PGAP4: variants seen among roughly 807,000 people sequenced by gnomAD.
PGAP4 encodes GPI-N-acetylgalactosamine transferase PGAP4.
PGAP4 carries 12 observed loss-of-function variants against 28.2 expected under a neutral mutation model. The observed-to-expected ratio is 0.42, with a 90% CI of 0.27 to 0.69. The LOEUF (loss-of-function observed/expected upper bound fraction) is 0.69, where lower values mean the gene tolerates loss of function less well. Ranked by LOEUF, PGAP4 falls within the 30% of genes least tolerant of loss-of-function variation. The probability of loss-of-function intolerance (pLI) is 0.22; values close to 1 mark genes in which losing one functional copy is unlikely to be tolerated. For synonymous variants in PGAP4, 205 were observed against 211.8 expected, an observed-to-expected ratio of 0.97 and a Z score of 0.28; for missense variants, 425 against 513.5, an observed-to-expected ratio of 0.83 and a Z score of 1.67.
chr9:101,502,200 C>G (rs533365567), intron 2 of PGAP4, among the ~76,000 whole-genome samples: 2 of 152,036 alleles, frequency 1.3e-5, no homozygotes, highest in Non-Finnish European at 2.9e-5. Flanking sequence ...CCTAAATACT[C>G]TGTTGACACT....
rs1271082041 is a variant in PGAP4, at chr9:101,486,596, C to T, written c.-78+353G>A. On this transcript the variant is annotated intron_variant, in intron 1 of 1. Coordinates refer to ENST00000374848, the MANE Select transcript of PGAP4 (RefSeq NM_032342.3). This position sits in a 1 kb window ranked among gnomAD's most constrained non-coding sequence, Gnocchi z 4.7. ...GACTGGCACGCGCCCCGCTCGCGTCCTTCTATTGACCTGTCAGCGCAGCTG... is the reference window on the plus strand; with the variant it reads ...GACTGGCACGCGCCCCGCTCGCGTCTTTCTATTGACCTGTCAGCGCAGCTG... Among the ~76,000 whole-genome samples the T allele has an allele frequency of 6.6e-6, 1 of 152,192 alleles. No homozygotes were observed. The highest frequency in any genetic ancestry group is 2.4e-5 in the African/African-American group (1 of 41,462).
intron 1 of PGAP4, among the ~76,000 whole-genome samples, chr9:101,483,201 C>T (rs1265371254): frequency 6.6e-6 from 1 of 152,162 alleles, no homozygotes; most frequent in African/African-American, 2.4e-5. Flanking sequence ...ATGCTCAATG[C>T]TTGTTAAGCA....
At chr9:101,518,153 C>A (rs745473467) in intron 2 of PGAP4, among the ~76,000 whole-genome samples, 5 of 152,096 alleles carry the variant, frequency 3.3e-5, no homozygotes, top group Non-Finnish European at 5.9e-5. Context: ...TCTGTTCCTG[C>A]GTTAATTTGC....
chr9:101,485,662 C>A (rs1440379852), intron 1 of PGAP4, among the ~76,000 whole-genome samples: 1 of 152,002 alleles, frequency 6.6e-6, no homozygotes. Context: ...GACAAGATAC[C>A]ATTTTTTGGT....
At chr9:101,484,617 C>G (rs1162709487) in intron 1 of PGAP4, among the ~76,000 whole-genome samples, 1 of 152,144 alleles carries the variant, frequency 6.6e-6, no homozygotes, top group Non-Finnish European at 1.5e-5. Flanking sequence ...TAAGAAAAGA[C>G]AGGAGAGATC....
chr9:101,522,244 T>C (rs561018668), intron 2 of PGAP4, among the ~76,000 whole-genome samples: 4 of 152,214 alleles, frequency 2.6e-5, no homozygotes, highest in Non-Finnish European at 5.9e-5. Flanking sequence ...TTCCTAGGTA[T>C]AGTTTAAATC....
chr9:101,523,979 G>A (rs1337819395), intron 2 of PGAP4, among the ~76,000 whole-genome samples: 1 of 151,832 alleles, frequency 6.6e-6, no homozygotes, highest in Non-Finnish European at 1.5e-5. Flanking sequence ...CTTCCTACAA[G>A]CCGAACTGCA....
chr9:101,484,679 A>G (rs2118551150), intron 1 of PGAP4, among the ~76,000 whole-genome samples: 1 of 152,282 alleles, frequency 6.6e-6, no homozygotes, highest in African/African-American at 2.4e-5. Context: ...GCCCTCACCA[A>G]AACTTGACCA....
At chr9:101,487,227 A>T (rs1016835471), upstream of PGAP4, 1 of 152,248 alleles carries the variant, frequency 6.6e-6, no homozygotes, top group Non-Finnish European at 1.5e-5. Context: ...GCGCCAACTG[A>T]TGGGCAGCCA....
intron 2 of PGAP4, among the ~76,000 whole-genome samples, chr9:101,529,777 T>C (rs192398843): frequency 1.3e-4 from 20 of 152,272 alleles, no homozygotes; most frequent in Admixed American, 5.2e-4. Context: ...AGGGGGCTCG[T>C]TTTTGTAGGA....
chr9:101,477,097 TCAA>T lies in PGAP4; in HGVS notation c.-8_-6del. 1.9e-6 allele frequency: 3 copies of T among 1,557,200 alleles called. No homozygotes were observed. The stretch of plus-strand genomic sequence containing the variant: ...TGGAGAGGTTGAAGTGCTCATGAGG[TCAA>T]CTTTTGTTCATGTCTGGTCCCAAGA... On this transcript the variant is annotated 5_prime_UTR_variant, in exon 2 of 2. The change abolishes the stop of an existing upstream ORF in the 5' untranslated region. Coordinates refer to ENST00000374848, the MANE Select transcript of PGAP4 (RefSeq NM_032342.3).
chr9:101,532,617 A>C (rs1052970064), intron 1 of PGAP4: 6 of 152,214 alleles, frequency 3.9e-5, no homozygotes, highest in African/African-American at 1.4e-4. Flanking sequence ...ACCAAAGAAG[A>C]TGAGAGAATG....
intron 2 of PGAP4, among the ~76,000 whole-genome samples, chr9:101,519,641 GTA>G (rs532482295): frequency 6.7e-6 from 1 of 149,556 alleles, no homozygotes; most frequent in Non-Finnish European, 1.5e-5. Context: ...GTATATGTAT[GTA>G]TATATATACA....
intron 2 of PGAP4, among the ~76,000 whole-genome samples, chr9:101,520,278 A>T (rs940479999): frequency 6.6e-6 from 1 of 152,136 alleles, no homozygotes; most frequent in Non-Finnish European, 1.5e-5. Context: ...TAAGGATTGC[A>T]TTGAATTGTT....
chr9:101,483,211 A>T (rs940140712), intron 1 of PGAP4, among the ~76,000 whole-genome samples: 4 of 152,192 alleles, frequency 2.6e-5, no homozygotes, highest in African/African-American at 9.7e-5. Flanking sequence ...CTTGTTAAGC[A>T]AATAATTGGC....
chr9:101,515,403 G>A (rs1384815376), intron 2 of PGAP4, among the ~76,000 whole-genome samples: 2 of 151,966 alleles, frequency 1.3e-5, no homozygotes, highest in African/African-American at 4.8e-5. Context: ...GATCACGTCG[G>A]CAAAGACCCT....
chr9:101,513,228 T>A (rs931217530), intron 2 of PGAP4, among the ~76,000 whole-genome samples: 3 of 152,170 alleles, frequency 2.0e-5, no homozygotes, highest in Non-Finnish European at 1.5e-5. Flanking sequence ...CAATGAAGTA[T>A]CTGCAATTGC....
intron 1 of PGAP4, among the ~76,000 whole-genome samples, chr9:101,480,421 G>A (rs1826451368): frequency 6.6e-6 from 1 of 152,084 alleles, no homozygotes; most frequent in African/African-American, 2.4e-5. Context: ...GAGAAAAAAG[G>A]GGAATAGTGC....
chr9:101,520,368 T>G (rs1050358995), intron 2 of PGAP4, among the ~76,000 whole-genome samples: 4 of 152,216 alleles, frequency 2.6e-5, no homozygotes, highest in African/African-American at 7.2e-5. Context: ...CATTTGTTCA[T>G]GTCATCTATG....
Sources: gnomAD v4.1 joint callset for allele counts (sites outside exome capture counted in the v4.1 genomes callset) on GRCh38, gnomAD v4.1.1 for gene constraint, Gnocchi (gnomAD v3.1) non-coding constraint, MANE v1.5 for transcripts, NCBI Gene and HGNC (gene_info 2026-07-23, HGNC 2026-07-21) for gene names.